Variants in TM2D1 observed in about 807,000 individuals in gnomAD.
TM2D1 encodes TM2 domain-containing protein 1.
Under a neutral mutation model 28.4 loss-of-function variants are expected in TM2D1, and 15 were observed. The observed-to-expected ratio is 0.53, with a 90% CI of 0.35 to 0.81. The LOEUF is 0.81. Among genes scored for constraint, TM2D1 ranks in the 40% least tolerant of loss-of-function variants. TM2D1 has a pLI of 0.01. For missense variants in TM2D1, 236 were observed against 254.9 expected (o/e 0.93, Z 0.50); for synonymous variants, 93 against 96.2 (o/e 0.97, Z 0.20).
intron 4 of TM2D1, chr1:61,695,931 G>A (rs1022773078): frequency 6.6e-6 from 1 of 152,130 alleles, no homozygotes; most frequent in African/African-American, 2.4e-5. Context: ...CCTTTTATCT[G>A]TTTTCTTTAC....
chr1:61,708,505 C>T (rs1009135827), intron 3 of TM2D1, among the ~76,000 whole-genome samples: 3 of 152,172 alleles, frequency 2.0e-5, no homozygotes, highest in African/African-American at 7.2e-5. Context: ...GCCTCAGCCT[C>T]CTGGGTAGCT....
intron 5 of TM2D1, among the ~76,000 whole-genome samples, chr1:61,687,605 T>C (rs939907652): frequency 6.6e-6 from 1 of 152,200 alleles, no homozygotes; most frequent in East Asian, 1.9e-4. Flanking sequence ...ACTTTGGCAA[T>C]TGATATGACC....
In TM2D1 at chr1:61,725,082, C is replaced by A. The variant is rs2148074393; in HGVS notation, c.39G>T (p.Glu13Asp). 1 of 1,613,832 alleles carries A rather than the reference C, an allele frequency of 6.2e-7. No individual in the cohort carries two copies. The highest frequency in any genetic ancestry group is 2.2e-5 in the East Asian group (1 of 44,882). The change falls in exon 1 of 7, where the codon GAG (glutamate) becomes GAT (aspartate). Residue 13 changes from glutamate to aspartate, a missense_variant. Physicochemically the swap from Glu to Asp is conservative, Grantham distance 45. Transcript: ENST00000606498. Reference protein sequence around the residue: ...AAWPSGPSAPEAVTARLVGVL... With the variant: ...AAWPSGPSAPDAVTARLVGVL... ...CACCAACGAGTCTGGCCGTCACGGC[C>A]TCCGGAGCAGACGGACCAGACGGCC...
At chr1:61,715,090 CTTATTTCAAGGGATGAAAA>C (rs1233633745) in intron 2 of TM2D1, among the ~76,000 whole-genome samples, 2 of 152,076 alleles carry the variant, frequency 1.3e-5, no homozygotes, top group Non-Finnish European at 2.9e-5. Context: ...ATTTGAGCTA[CTTATTTCAAGGGATGAAAA>C]TTATATACTT....
chr1:61,684,943 A>G (rs1644273158), intron 5 of TM2D1, among the ~76,000 whole-genome samples: 1 of 152,046 alleles, frequency 6.6e-6, no homozygotes, highest in Non-Finnish European at 1.5e-5. Flanking sequence ...ACGCCCAGCT[A>G]ATTTTGTTTT....
chr1:61,700,642 A>C (rs1277457889), intron 4 of TM2D1, among the ~76,000 whole-genome samples: 1 of 152,214 alleles, frequency 6.6e-6, no homozygotes, highest in Non-Finnish European at 1.5e-5. Context: ...CTAAACATCC[A>C]GTGTGTGCCC....
chr1:61,700,111 T>A (rs1295467731), intron 4 of TM2D1: 1 of 1,454,394 alleles, frequency 6.9e-7, no homozygotes, highest in Admixed American at 3.1e-5. Flanking sequence ...AAAATTTGGG[T>A]TCAAATTGAG....
chr1:61,691,271 G>A (rs1009801458), intron 5 of TM2D1, among the ~76,000 whole-genome samples: 2 of 152,054 alleles, frequency 1.3e-5, no homozygotes, highest in African/African-American at 2.4e-5. Flanking sequence ...AAAGGCGGGC[G>A]GATCACCTGA....
intron 2 of TM2D1, among the ~76,000 whole-genome samples, chr1:61,716,588 T>C (rs974915312): frequency 1.4e-5 from 2 of 146,990 alleles, no homozygotes; most frequent in African/African-American, 4.9e-5. Context: ...TTTATATATA[T>C]ATATACACAC....
intron 2 of TM2D1, among the ~76,000 whole-genome samples, chr1:61,719,349 C>A (rs1224139672): frequency 6.6e-6 from 1 of 151,904 alleles, no homozygotes; most frequent in Non-Finnish European, 1.5e-5. Context: ...CACATCTGAC[C>A]TGGAACATCT....
intron 2 of TM2D1, among the ~76,000 whole-genome samples, chr1:61,718,490 G>T (rs1437382432): frequency 1.3e-5 from 2 of 152,162 alleles, no homozygotes; most frequent in Admixed American, 1.3e-4. Context: ...AAAAAGAATA[G>T]TTCAGGCCAG....
intron 6 of TM2D1, among the ~76,000 whole-genome samples, chr1:61,681,632 T>C (rs1043599283): frequency 5.3e-5 from 8 of 152,230 alleles, no homozygotes; most frequent in Non-Finnish European, 1.5e-5. Context: ...TTACATTTGC[T>C]TAATTTTTAC....
chr1:61,703,153 C>T (rs1445028309), intron 3 of TM2D1, among the ~76,000 whole-genome samples: 1 of 151,306 alleles, frequency 6.6e-6, no homozygotes, highest in East Asian at 1.9e-4. Flanking sequence ...GAGAGCTGGA[C>T]ACACTGGCAT....
chr1:61,683,552 A>G lies in TM2D1; in HGVS notation c.514-6T>C. 7.3e-7 allele frequency: 1 copy of G among 1,364,726 alleles called. No individual in the cohort carries two copies. The allele number at this position is 1,364,726 out of a possible 1,614,324, so 84.5% of individuals were successfully genotyped here. On this transcript the variant is annotated splice_polypyrimidine_tract_variant and splice_region_variant and intron_variant, in intron 5 of 6. Transcript: ENST00000606498. Reference sequence around the variant, plus strand: ...CCATCTGAAGGTCCAACAATCTAGAAGAGACAAAATTTCAAAATTATTCAT... The same window carrying G: ...CCATCTGAAGGTCCAACAATCTAGAGGAGACAAAATTTCAAAATTATTCAT...
intron 4 of TM2D1, chr1:61,696,242 A>G (rs1644361724): frequency 6.6e-6 from 1 of 152,220 alleles, no homozygotes. Flanking sequence ...CAATTTGTTT[A>G]TAAAAAAGAA....
Position 61,700,929 on chromosome 1 carries a change from C to A in TM2D1, c.439+5G>T. ...AAGGATTTTTTTTTAATGAAACATA[C>A]GCACCCAAAGCAGGGTATCCAAGGT... On this transcript the variant is annotated splice_donor_5th_base_variant and intron_variant, in intron 4 of 6. Coordinates refer to ENST00000606498, the MANE Select transcript of TM2D1 (RefSeq NM_032027.3). 6.3e-7 allele frequency: 1 copy of A among 1,595,444 alleles called. No homozygotes were observed. The highest frequency in any genetic ancestry group is 8.5e-7 in the Non-Finnish European group (1 of 1,170,852).
chr1:61,713,884 CTTTTTTTTT>C (rs372226143), intron 2 of TM2D1, among the ~76,000 whole-genome samples: 3 of 106,232 alleles, frequency 2.8e-5, no homozygotes, highest in East Asian at 2.8e-4. Flanking sequence ...CCAAATATTT[CTTTTTTTTT>C]TTTTTTTTTT....
chr1:61,694,374 A>T (rs978377857), intron 5 of TM2D1: 1 of 180,658 alleles, frequency 5.5e-6, no homozygotes, highest in African/African-American at 2.3e-5. Context: ...TAGAGACAAC[A>T]TATATTAAAA....
chr1:61,682,252 AG>A (rs1211883005), intron 6 of TM2D1, among the ~76,000 whole-genome samples: 6 of 152,184 alleles, frequency 3.9e-5, no homozygotes, highest in Non-Finnish European at 8.8e-5. Flanking sequence ...CCCTAGAACA[AG>A]GATAATGGTT....
Sources: allele counts gnomAD v4.1 joint callset (sites outside exome capture counted in the v4.1 genomes callset), GRCh38; gene constraint gnomAD v4.1.1; transcripts MANE v1.5; gene names NCBI Gene and HGNC (gene_info 2026-07-23, HGNC 2026-07-21).